Variants in MSRA observed in about 807,000 individuals in gnomAD.
The protein encoded by MSRA is methionine sulfoxide reductase A.
Under a neutral mutation model 31.3 loss-of-function variants are expected in MSRA, and 54 were observed. That is an observed-to-expected ratio of 1.73 (90% CI 1.39 to 2.17). MSRA has a LOEUF of 2.17. MSRA is among the 30% of genes most tolerant of loss of function. The pLI is 0.00. For missense variants in MSRA, 507 were observed against 300.9 expected (o/e 1.69, Z -5.07); for synonymous variants, 169 against 116.5 (o/e 1.45, Z -2.90).
intron 3 of MSRA, among the ~76,000 whole-genome samples, chr8:10,268,561 G>A (rs1010737211): frequency 6.6e-5 from 10 of 152,156 alleles, no homozygotes; most frequent in African/African-American, 2.2e-4. Flanking sequence ...CTAGACTAGC[G>A]CCTAGCACAT....
At chr8:10,327,491 TG>T (rs1227428316) in intron 5 of MSRA, among the ~76,000 whole-genome samples, 4 of 152,222 alleles carry the variant, frequency 2.6e-5, no homozygotes, top group Non-Finnish European at 5.9e-5. Context: ...GGTTCAGTTT[TG>T]ATTATTTAAT....
rs377185182 is a variant in MSRA, at chr8:10,102,983, A to G, written c.142+48325A>G. Reference sequence around the variant, plus strand: ...TTTGATAACTTGTTTAATGATAGTTACATTCTCAAATTAGGGACTGAGCCT... The same window carrying G: ...TTTGATAACTTGTTTAATGATAGTTGCATTCTCAAATTAGGGACTGAGCCT... On this transcript the variant is annotated intron_variant, in intron 1 of 5. Coordinates refer to ENST00000317173, the MANE Select transcript of MSRA (RefSeq NM_012331.5). Among the ~76,000 whole-genome samples, 24 of 152,336 alleles carry G rather than the reference A, an allele frequency of 1.6e-4. 1 individual carries two copies. Among genetic ancestry groups the G allele is most frequent in the African/African-American group, 5.8e-4 (24 of 41,584 alleles).
At chr8:10,213,102 C>A (rs117301188) in intron 2 of MSRA, among the ~76,000 whole-genome samples, 3,473 of 152,222 alleles carry the variant, frequency 0.023, 87 homozygotes, top group East Asian at 0.13. Flanking sequence ...TATAGTCACC[C>A]TGTTGTACTA....
chr8:10,340,476 G>T (rs1007191572), intron 5 of MSRA, among the ~76,000 whole-genome samples: 1 of 152,212 alleles, frequency 6.6e-6, no homozygotes, highest in Non-Finnish European at 1.5e-5. Context: ...GGCTTCAAGT[G>T]ATTCTCGTCC....
chr8:10,216,592 C>G (rs888878707), intron 2 of MSRA, among the ~76,000 whole-genome samples: 2 of 152,200 alleles, frequency 1.3e-5, no homozygotes, highest in Non-Finnish European at 1.5e-5. Flanking sequence ...CTTCCCCCAG[C>G]CCCTGGTAAC....
intron 5 of MSRA, among the ~76,000 whole-genome samples, chr8:10,369,890 ATCAT>A (rs1357355164): frequency 2.6e-5 from 4 of 152,212 alleles, no homozygotes; most frequent in African/African-American, 9.6e-5. Context: ...AAGAGGAACA[ATCAT>A]TCATTCATTC....
intron 1 of MSRA, among the ~76,000 whole-genome samples, chr8:10,120,197 C>G (rs937868949): frequency 6.6e-6 from 1 of 152,168 alleles, no homozygotes; most frequent in African/African-American, 2.4e-5. Context: ...GCAGAGCACA[C>G]AGAGACTGTC....
chr8:10,308,666 C>T (rs1801272096), intron 4 of MSRA, among the ~76,000 whole-genome samples: 1 of 152,170 alleles, frequency 6.6e-6, no homozygotes, highest in Non-Finnish European at 1.5e-5. Context: ...CCACAGTTCT[C>T]CCCAGACTAT....
chr8:10,159,895 T>C (rs1444106877), intron 1 of MSRA, among the ~76,000 whole-genome samples: 1 of 152,222 alleles, frequency 6.6e-6, no homozygotes, highest in East Asian at 1.9e-4. Context: ...TTTTGGATTA[T>C]TAATTCTTAC....
intron 2 of MSRA, among the ~76,000 whole-genome samples, chr8:10,211,264 T>C (rs944741402): frequency 1.3e-5 from 2 of 152,190 alleles, no homozygotes; most frequent in South Asian, 2.1e-4. Flanking sequence ...AATAGATAGA[T>C]GATTCCTTAA....
chr8:10,331,227 G>A (rs574217561), intron 5 of MSRA, among the ~76,000 whole-genome samples: 3 of 152,176 alleles, frequency 2.0e-5, no homozygotes, highest in South Asian at 2.1e-4. Context: ...ATGGCAGCCC[G>A]AGCTGACAAG....
intron 1 of MSRA, among the ~76,000 whole-genome samples, chr8:10,138,752 C>T (rs1325916650): frequency 6.6e-6 from 1 of 152,166 alleles, no homozygotes; most frequent in Admixed American, 6.6e-5. Flanking sequence ...TGGGTAAAAG[C>T]CACTTGCAAA....
chr8:10,351,277 C>T (rs756300359), intron 5 of MSRA, among the ~76,000 whole-genome samples: 2 of 89,586 alleles, frequency 2.2e-5, no homozygotes, highest in South Asian at 8.1e-4. Flanking sequence ...TTTTTTTAGA[C>T]GGAGTCTCGC....
At chr8:10,265,390 C>G (rs947341201) in intron 3 of MSRA, among the ~76,000 whole-genome samples, 5 of 152,098 alleles carry the variant, frequency 3.3e-5, no homozygotes, top group Non-Finnish European at 7.4e-5. Flanking sequence ...GGGGTGCTCA[C>G]AAAGTGTGGT....
chr8:10,060,774 A>G (rs149080203), intron 1 of MSRA, among the ~76,000 whole-genome samples: 3 of 152,150 alleles, frequency 2.0e-5, no homozygotes, highest in Non-Finnish European at 4.4e-5. Flanking sequence ...AAGTTAATCC[A>G]AGTCATTTTA....
intron 3 of MSRA, among the ~76,000 whole-genome samples, chr8:10,266,150 A>C (rs1798736414): frequency 6.6e-6 from 1 of 152,174 alleles, no homozygotes; most frequent in East Asian, 1.9e-4. Context: ...TTTATGTTTA[A>C]CTTTTTAAGA....
intron 1 of MSRA, among the ~76,000 whole-genome samples, chr8:10,196,020 C>T (rs1490656123): frequency 1.3e-5 from 2 of 152,168 alleles, no homozygotes; most frequent in Non-Finnish European, 2.9e-5. Context: ...CTGACCATTA[C>T]CTCCGATCAT....
chr8:10,307,745 G>C (rs552536389), intron 4 of MSRA, among the ~76,000 whole-genome samples: 3 of 152,174 alleles, frequency 2.0e-5, no homozygotes, highest in Non-Finnish European at 4.4e-5. Flanking sequence ...AAACTGCTCC[G>C]GTATACTCCT....
intron 3 of MSRA, among the ~76,000 whole-genome samples, chr8:10,261,827 T>A (rs948173322): frequency 2.6e-5 from 4 of 152,198 alleles, no homozygotes; most frequent in Admixed American, 2.6e-4. Flanking sequence ...TGCAGAATAG[T>A]TCACTCCCTA....
Sources: allele counts gnomAD v4.1 joint callset (sites outside exome capture counted in the v4.1 genomes callset), GRCh38; gene constraint gnomAD v4.1.1; transcripts MANE v1.5; gene names NCBI Gene and HGNC (gene_info 2026-07-23, HGNC 2026-07-21).